Variants in PTPRF observed in about 807,000 individuals in gnomAD.
PTPRF encodes the protein protein tyrosine phosphatase receptor type F, also known as receptor-type tyrosine-protein phosphatase F.
A neutral mutation model predicts 201.8 loss-of-function variants in PTPRF; 59 were observed. The ratio of observed to expected loss-of-function variants is 0.29; its 90% confidence interval spans 0.24 to 0.36. The LOEUF is 0.36. PTPRF is among the 10% of genes least tolerant of loss of function. PTPRF has a pLI of 1.00. For missense variants in PTPRF, 2,132 were observed against 2,690.5 expected, an observed-to-expected ratio of 0.79 and a Z score of 4.59; for synonymous variants, 1,088 against 1,089.7, an observed-to-expected ratio of 1.00 and a Z score of 0.03.
At chr1:43,540,686 G>C (rs1192382510) in intron 2 of PTPRF, among the ~76,000 whole-genome samples, 1 of 152,216 alleles carries the variant, frequency 6.6e-6, no homozygotes, top group African/African-American at 2.4e-5. Flanking sequence ...CTGCAACAGG[G>C]TGGGACTCAG....
At chr1:43,578,725 C>T (rs1647105946) in intron 6 of PTPRF, 85 bp from the exon 7 acceptor site, 1 of 989,776 alleles carries the variant, frequency 1.0e-6, no homozygotes, top group Non-Finnish European at 1.6e-6. Context: ...CAACATCAGC[C>T]ACAGATGCTG....
chr1:43,620,341 C>G (rs1406902900), intron 30 of PTPRF, 113 bp from the exon 31 acceptor site: 1 of 1,530,058 alleles, frequency 6.5e-7, no homozygotes, highest in Non-Finnish European at 8.9e-7. Flanking sequence ...TCAGCATGGC[C>G]TCAGGCGCCC....
intron 13 of PTPRF, 44 bp downstream of exon 13, chr1:43,598,957 C>T: frequency 6.3e-7 from 1 of 1,578,942 alleles, no homozygotes; most frequent in Non-Finnish European, 8.6e-7. Context: ...GAGCACAGAC[C>T]AGCATGCACA....
In PTPRF at chr1:43,603,628, A is replaced by G. The variant is rs912770030; in HGVS notation, c.2476A>G (p.Met826Val). The change falls in exon 16 of 34, where the codon ATG (methionine) becomes GTG (valine). Residue 826 changes from methionine (M) to valine (V), a missense_variant. Met to Val is a conservative substitution (Grantham distance 21). Transcript: ENST00000359947. This position sits in a 1 kb window ranked among gnomAD's most constrained non-coding sequence, Gnocchi z 5.8. The stretch of plus-strand genomic sequence containing the variant: ...TCCTTCAGTCCCAGGCCGGCCCACC[A>G]TGATGATCAGCACCACGGCCATGAA... ...TTGAVPGRPT[M>V]MISTTAMNTA... The G allele has an allele frequency of 9.9e-6, 16 of 1,613,038 alleles. No individual in the cohort carries two copies. Among genetic ancestry groups the G allele is most frequent in the Non-Finnish European group, 1.3e-5 (15 of 1,179,648 alleles).
chr1:43,578,161 C>T (rs1031606713), intron 6 of PTPRF, among the ~76,000 whole-genome samples: 2 of 152,238 alleles, frequency 1.3e-5, no homozygotes, highest in Admixed American at 6.5e-5. Flanking sequence ...CCATTAGCCT[C>T]TTGAATTATG....
intron 7 of PTPRF, among the ~76,000 whole-genome samples, chr1:43,584,688 T>C (rs892127649): frequency 6.6e-6 from 1 of 152,226 alleles, no homozygotes; most frequent in Non-Finnish European, 1.5e-5. Flanking sequence ...GCATCTTACA[T>C]TTTTCCAGCT....
intron 1 of PTPRF, among the ~76,000 whole-genome samples, chr1:43,531,737 C>T (rs1643558187): frequency 2.0e-5 from 3 of 152,082 alleles, no homozygotes; most frequent in South Asian, 4.1e-4. Flanking sequence ...CGCCCCCAAC[C>T]GGGTGCAACG....
At chr1:43,581,068 G>A (rs1166973984) in intron 7 of PTPRF, among the ~76,000 whole-genome samples, 1 of 152,234 alleles carries the variant, frequency 6.6e-6, no homozygotes, top group African/African-American at 2.4e-5. Flanking sequence ...GATCGACTGA[G>A]CTCAGCTGCT....
chr1:43,533,534 A>G (rs1313530517), intron 1 of PTPRF, among the ~76,000 whole-genome samples: 1 of 152,104 alleles, frequency 6.6e-6, no homozygotes, highest in African/African-American at 2.4e-5. Context: ...GGGTTGTGAT[A>G]CACACCACGG....
At chr1:43,609,546 C>A in intron 22 of PTPRF, 48 bp downstream of exon 22, 1 of 1,449,512 alleles carries the variant, frequency 6.9e-7, no homozygotes, top group Non-Finnish European at 9.6e-7. Flanking sequence ...ACCTAGCAGG[C>A]CTGTGGGTCT....
chr1:43,612,645 CCCTCGCAAGCCCGCTCGGCA>C lies in PTPRF; in HGVS notation c.3974-968_3974-949del, dbSNP rs1288642384. On this transcript the variant is annotated intron_variant, in intron 22 of 33. Coordinates refer to ENST00000359947, the MANE Select transcript of PTPRF (RefSeq NM_002840.5). The stretch of plus-strand genomic sequence containing the variant: ...CCGCCCCCTCCTCTTCTCCGCCAGC[CCCTCGCAAGCCCGCTCGGCA>C]CCTCCACTGTGTGTGATGGTGCTGT... 3 of 812,844 alleles carry C rather than the reference CCCTCGCAAGCCCGCTCGGCA, an allele frequency of 3.7e-6. No homozygotes were observed. In the African/African-American group the frequency reaches 5.4e-5, roughly 15 times the overall value. 50.4% of individuals were successfully genotyped at this position (812,844 alleles called of 1,614,324 possible).
At position 43,578,933 on chromosome 1, in the gene PTPRF, G is replaced by T. The variant is rs749678710; in HGVS notation, c.679+13G>T. On this transcript the variant is annotated intron_variant, in intron 7 of 33. Transcript: ENST00000359947. The stretch of plus-strand genomic sequence containing the variant: ...CTGTATGTGCGAGGTAAGGACTCAG[G>T]CAGTGCCTGGCCCCTGTCACCACAG... The T allele has an allele frequency of 6.2e-7, 1 of 1,612,040 alleles. No individual in the cohort carries two copies. Among genetic ancestry groups the T allele is most frequent in the Non-Finnish European group, 8.5e-7 (1 of 1,178,170 alleles).
In PTPRF at chr1:43,553,257, C is replaced by T. The variant is rs1241513924; in HGVS notation, c.92-235C>T. Among the ~76,000 whole-genome samples, 2 of 152,216 alleles carry T rather than the reference C, an allele frequency of 1.3e-5. No individual in the cohort carries two copies. Among genetic ancestry groups the T allele is most frequent in the East Asian group, 3.9e-4 (2 of 5,194 alleles). On this transcript the variant is annotated intron_variant, in intron 3 of 33. Transcript: ENST00000359947. This position sits in a 1 kb window ranked among gnomAD's most constrained non-coding sequence, Gnocchi z 4.1. Reference sequence around the variant, plus strand: ...TGTCATATGGGACAAATCCCTTAACCTCTCTGGGCCTCTAGAAACAGATAC... The same window carrying T: ...TGTCATATGGGACAAATCCCTTAACTTCTCTGGGCCTCTAGAAACAGATAC...
At chr1:43,570,140 A>AGAT (rs1351948658) in intron 6 of PTPRF, among the ~76,000 whole-genome samples, 1 of 152,174 alleles carries the variant, frequency 6.6e-6, no homozygotes, top group Non-Finnish European at 1.5e-5. Flanking sequence ...TTGCTTCCTC[A>AGAT]GATGGCAGGG....
chr1:43,585,785 G>A (rs1648976018), intron 7 of PTPRF, among the ~76,000 whole-genome samples: 1 of 152,154 alleles, frequency 6.6e-6, no homozygotes, highest in Non-Finnish European at 1.5e-5. Context: ...TTCTAGGTTG[G>A]TGCCCAAGGT....
rs1270506202 is a variant in PTPRF at position 43,603,842 on chromosome 1, GGGCT to G, written c.2695_2698del (p.Gly899TrpfsTer25). The G allele has an allele frequency of 6.2e-7, 1 of 1,613,992 alleles. No homozygotes were observed. Among genetic ancestry groups the G allele is most frequent in the African/African-American group, 1.3e-5 (1 of 74,930 alleles). ...ATCTTCCGGCTTGCTGCCAAGAACC[GGGCT>G]GGCTTGGGTGAGGAGTTCGAGAAGG... On this transcript the variant is annotated frameshift_variant, in exon 16 of 34. Transcript: ENST00000359947. LOFTEE classifies it high-confidence loss of function. This position sits in a 1 kb window ranked among gnomAD's most constrained non-coding sequence, Gnocchi z 5.8.
chr1:43,528,927 A>G (rs1372121695), upstream of PTPRF, among the ~76,000 whole-genome samples: 1 of 152,226 alleles, frequency 6.6e-6, no homozygotes, highest in African/African-American at 2.4e-5. Context: ...GAGGAGGCCT[A>G]GGACAGAGTC....
At chr1:43,549,592 T>C (rs889761084) in intron 3 of PTPRF, among the ~76,000 whole-genome samples, 2 of 152,182 alleles carry the variant, frequency 1.3e-5, no homozygotes, top group East Asian at 1.9e-4. Flanking sequence ...TGGTGGCTCA[T>C]ACCCGTAATC....
intron 5 of PTPRF, among the ~76,000 whole-genome samples, chr1:43,565,579 G>T (rs564803826): frequency 2.5e-4 from 38 of 152,340 alleles, no homozygotes; most frequent in African/African-American, 8.4e-4. Context: ...TTCTCCTTCC[G>T]TCCAGGGCAC....
Sources: allele counts gnomAD v4.1 joint callset (sites outside exome capture counted in the v4.1 genomes callset), GRCh38; gene constraint gnomAD v4.1.1; non-coding constraint Gnocchi (gnomAD v3.1); transcripts MANE v1.5; gene names NCBI Gene and HGNC (gene_info 2026-07-23, HGNC 2026-07-21).